MYO18A: variants seen among roughly 807,000 people sequenced by gnomAD.
MYO18A encodes the protein myosin XVIIIA.
MYO18A carries 78 observed loss-of-function variants against 235.8 expected under a neutral mutation model. That is an observed-to-expected ratio of 0.33 (90% CI 0.28 to 0.40). The LOEUF is 0.40. MYO18A is among the 10% of genes least tolerant of loss of function. MYO18A has a pLI of 1.00. For missense variants in MYO18A, 2,215 were observed against 2,699.3 expected (o/e 0.82, Z 3.98); for synonymous variants, 977 against 1,077.8 (o/e 0.91, Z 1.83).
rs1286219661 is a variant in MYO18A at position 29,094,081 on chromosome 17, G to A, written c.4720C>T (p.Arg1574Cys). 1.4e-5 allele frequency: 23 copies of A among 1,606,586 alleles called. No homozygotes were observed. The highest frequency in any genetic ancestry group is 1.8e-5 in the Non-Finnish European group (21 of 1,176,844). ...TIQMLEQAKL[R>C]LEMEMERMRQ... ...ATCCGCTCCATCTCCATCTCCAGACGCAGCTTGGCCTGGAGGTGGTTGGAG... is the reference window on the plus strand; with the variant it reads ...ATCCGCTCCATCTCCATCTCCAGACACAGCTTGGCCTGGAGGTGGTTGGAG... The change falls in exon 31 of 42, where the codon CGT becomes TGT. Residue 1574 changes from arginine (R) to cysteine (C), a missense_variant. Arg to Cys is a radical substitution (Grantham distance 180). Transcript: ENST00000527372.
rs1233068049 is a variant in MYO18A at position 29,109,384 on chromosome 17, A to G, written c.3331+474T>C. ...AGGACTCTAAGTAACCACTAATACT[A>G]TCATCCTGTCTGTCGCCTCCTTTAG... On this transcript the variant is annotated intron_variant, in intron 19 of 41. Transcript: ENST00000527372. This position sits in a 1 kb window ranked among gnomAD's most constrained non-coding sequence, Gnocchi z 4.1. Among the ~76,000 whole-genome samples, 1 of 152,150 alleles carries G rather than the reference A, an allele frequency of 6.6e-6. No individual in the cohort carries two copies. Among genetic ancestry groups the G allele is most frequent in the East Asian group, 1.9e-4 (1 of 5,196 alleles).
Position 29,086,427 on chromosome 17 carries a change from C to A in MYO18A, c.5852+11G>T. On this transcript the variant is annotated intron_variant, in intron 39 of 41. Transcript: ENST00000527372. ...GTGCTAGCTGCAGATGCCCCAGAGG[C>A]CACTTCTCACCTGTTGATGAGGTCC... is the stretch of plus-strand genomic sequence containing the variant. 1 of 1,588,212 alleles carries A rather than the reference C, an allele frequency of 6.3e-7. No homozygotes were observed. Among genetic ancestry groups the A allele is most frequent in the Admixed American group, 1.8e-5 (1 of 56,240 alleles).
chr17:29,107,041 C>T lies in MYO18A; in HGVS notation c.3441+39G>A, dbSNP rs941903873. The T allele has an allele frequency of 3.2e-6, 5 of 1,585,812 alleles. No homozygotes were observed. In the African/African-American group the frequency reaches 6.7e-5, roughly 21 times the overall value. The stretch of plus-strand genomic sequence containing the variant: ...CTGGAAAGGGCAGCTGCTTGAGGGG[C>T]CTGGGCAGAGGGAGAGCGGTCTGGG... On this transcript the variant is annotated intron_variant, in intron 20 of 41. Transcript: ENST00000527372.
chr17:29,174,209 G>T (rs2068470436), intron 1 of MYO18A, among the ~76,000 whole-genome samples: 1 of 152,168 alleles, frequency 6.6e-6, no homozygotes, highest in Admixed American at 6.5e-5. Flanking sequence ...GTCCTTACTA[G>T]AGAATAGTAA....
At chr17:29,168,552 G>A (rs937814440) in intron 1 of MYO18A, among the ~76,000 whole-genome samples, 2 of 152,148 alleles carry the variant, frequency 1.3e-5, no homozygotes, top group African/African-American at 4.8e-5. Context: ...ATGGCCTCTT[G>A]CCAGGCCCTG....
chr17:29,085,785 A>G (rs2066239241), intron 39 of MYO18A, 137 bp from the exon 40 acceptor site: 1 of 815,290 alleles, frequency 1.2e-6, no homozygotes, highest in Admixed American at 2.1e-5. Flanking sequence ...GAGACCAGGT[A>G]GTGGGATGCG....
chr17:29,134,091 T>TTTTTTA (rs2067537972), intron 2 of MYO18A, among the ~76,000 whole-genome samples: 3 of 152,124 alleles, frequency 2.0e-5, no homozygotes, highest in South Asian at 4.1e-4. Context: ...GCTGTGTGCA[T>TTTTTTA]TGTTTTTATT....
chr17:29,178,552 A>AC (rs1279041614), intron 1 of MYO18A, among the ~76,000 whole-genome samples: 1 of 151,886 alleles, frequency 6.6e-6, no homozygotes, highest in Non-Finnish European at 1.5e-5. Flanking sequence ...GCTATATATA[A>AC]CCCGTCATGT....
At position 29,080,021 on chromosome 17, in the gene MYO18A, CGGAGCTGGAGCT is replaced by C. The variant is rs989675957; in HGVS notation, c.6020+2283_6020+2294del. On this transcript the variant is annotated intron_variant, in intron 41 of 41. Coordinates refer to ENST00000527372, the MANE Select transcript of MYO18A (RefSeq NM_078471.4). The stretch of plus-strand genomic sequence containing the variant: ...TTGTGCTCTGAGGAAGCTTCGGAGC[CGGAGCTGGAGCT>C]GGAGCTGGAGCTGCTCCTTCCGCTC... 1.8e-5 allele frequency: 18 copies of C among 986,096 alleles called. No homozygotes were observed. The East Asian group carries it at 4.5e-4, about 25-fold the overall frequency. The allele number at this position is 986,096 out of a possible 1,614,324, so 61.1% of individuals were successfully genotyped here.
At chr17:29,159,315 C>A (rs2068124468) in intron 2 of MYO18A, among the ~76,000 whole-genome samples, 1 of 152,028 alleles carries the variant, frequency 6.6e-6, no homozygotes, top group Non-Finnish European at 1.5e-5. Context: ...TGACACCTGC[C>A]CCCTGCCCCC....
At chr17:29,099,027 G>C in intron 22 of MYO18A, 58 bp from the exon 23 acceptor site, 1 of 1,599,784 alleles carries the variant, frequency 6.3e-7, no homozygotes, top group Non-Finnish European at 8.5e-7. Context: ...GGCCAAGCTC[G>C]GCCCAGGATC....
chr17:29,127,312 A>T (rs571935845), intron 2 of MYO18A, among the ~76,000 whole-genome samples: 60 of 152,326 alleles, frequency 3.9e-4, no homozygotes, highest in African/African-American at 1.4e-3. Flanking sequence ...CTCATTATGT[A>T]TACTGTATGG....
At chr17:29,179,106 C>G (rs1309948587) in intron 1 of MYO18A, among the ~76,000 whole-genome samples, 1 of 152,162 alleles carries the variant, frequency 6.6e-6, no homozygotes, top group East Asian at 1.9e-4. Context: ...GGAATGAAAG[C>G]CCTAGCCAGG....
At chr17:29,082,193 C>T (rs769250637) in intron 41 of MYO18A, 123 bp downstream of exon 41, 17 of 1,315,726 alleles carry the variant, frequency 1.3e-5, no homozygotes, top group South Asian at 4.0e-5. Context: ...GAAGCATGCC[C>T]GGGCCGCAGT....
chr17:29,177,876 G>C (rs2068567453), intron 1 of MYO18A, among the ~76,000 whole-genome samples: 3 of 152,174 alleles, frequency 2.0e-5, no homozygotes, highest in African/African-American at 7.2e-5. Context: ...GCTGAGGAGA[G>C]ACCTCTGGTT....
chr17:29,086,058 C>A (rs890735167), intron 39 of MYO18A, among the ~76,000 whole-genome samples: 2 of 152,252 alleles, frequency 1.3e-5, no homozygotes, highest in Non-Finnish European at 2.9e-5. Context: ...CCAAACCATT[C>A]CCCGGGTGGG....
intron 40 of MYO18A, among the ~76,000 whole-genome samples, chr17:29,085,103 G>A (rs1454018924): frequency 6.6e-6 from 1 of 152,226 alleles, no homozygotes; most frequent in Non-Finnish European, 1.5e-5. Context: ...CAAGAAACTG[G>A]GAGATGCCCC....
At chr17:29,112,535 C>T (rs1444852167) in intron 15 of MYO18A, among the ~76,000 whole-genome samples, 3 of 152,258 alleles carry the variant, frequency 2.0e-5, no homozygotes, top group South Asian at 4.1e-4. Context: ...AGAACACTGG[C>T]CTAGCATTGA....
chr17:29,093,048 C>T, intron 32 of MYO18A, 47 bp from the exon 33 acceptor site: 1 of 1,585,176 alleles, frequency 6.3e-7, no homozygotes, highest in South Asian at 1.1e-5. Flanking sequence ...CACAGGGCTT[C>T]CTCCTATCTT....
Sources: gnomAD v4.1 joint callset for allele counts (sites outside exome capture counted in the v4.1 genomes callset) on GRCh38, gnomAD v4.1.1 for gene constraint, Gnocchi (gnomAD v3.1) non-coding constraint, MANE v1.5 for transcripts, NCBI Gene and HGNC (gene_info 2026-07-23, HGNC 2026-07-21) for gene names.